C7orf78: variants seen among roughly 807,000 people sequenced by gnomAD.
C7orf78 encodes the protein chromosome 7 open reading frame 78.
chr7:12,498,493 G>A, the C7orf78 span, among the ~76,000 whole-genome samples: 1 of 151,846 alleles, frequency 6.6e-6, no homozygotes, highest in Admixed American at 6.6e-5. Flanking sequence ...AGCAATGGAA[G>A]ATGAAATCAA....
chr7:12,505,384 A>G, the C7orf78 span, among the ~76,000 whole-genome samples: 6 of 152,144 alleles, frequency 3.9e-5, no homozygotes, highest in Admixed American at 3.3e-4. Flanking sequence ...TTATAATCTA[A>G]TTAGGAGTTG....
At chr7:12,483,452 G>C in the C7orf78 span, 1 of 152,132 alleles carries the variant, frequency 6.6e-6, no homozygotes, top group African/African-American at 2.4e-5. Context: ...CAAAGACAAA[G>C]AACAGAAGTC....
the C7orf78 span, among the ~76,000 whole-genome samples, chr7:12,535,178 G>A: frequency 6.6e-6 from 1 of 152,122 alleles, no homozygotes; most frequent in Non-Finnish European, 1.5e-5. Flanking sequence ...GGAAGCATAG[G>A]TTTATTCATC....
the C7orf78 span, among the ~76,000 whole-genome samples, chr7:12,519,953 C>A: frequency 6.6e-6 from 1 of 152,132 alleles, no homozygotes; most frequent in Non-Finnish European, 1.5e-5. Flanking sequence ...TGTGTGTGAC[C>A]CAGTGCATTT....
chr7:12,521,701 C>T, the C7orf78 span, among the ~76,000 whole-genome samples: 2 of 141,268 alleles, frequency 1.4e-5, no homozygotes, highest in African/African-American at 5.2e-5. Context: ...ACCCTCCATA[C>T]TGCTATCACA....
chr7:12,497,915 G>C, the C7orf78 span, among the ~76,000 whole-genome samples: 1,761 of 148,684 alleles, frequency 0.012, 22 homozygotes, highest in Non-Finnish European at 0.019. Flanking sequence ...TCCTCAAGTG[G>C]GTCCCTGACC....
the C7orf78 span, among the ~76,000 whole-genome samples, chr7:12,519,048 C>T: frequency 3.9e-5 from 6 of 152,136 alleles, no homozygotes; most frequent in Admixed American, 3.9e-4. Flanking sequence ...TGTTTCAGCT[C>T]CCTGCTGCAG....
At chr7:12,514,005 A>T in the C7orf78 span, among the ~76,000 whole-genome samples, 1 of 152,110 alleles carries the variant, frequency 6.6e-6, no homozygotes, top group Non-Finnish European at 1.5e-5. Context: ...GTCTCAAAAG[A>T]AAAAAGAAAA....
At chr7:12,518,100 G>A in the C7orf78 span, among the ~76,000 whole-genome samples, 7 of 152,178 alleles carry the variant, frequency 4.6e-5, no homozygotes, top group Admixed American at 1.3e-4. Context: ...AATGTGTGCA[G>A]TAGTGTAGTC....
At chr7:12,502,138 A>T in the C7orf78 span, among the ~76,000 whole-genome samples, 1 of 72,170 alleles carries the variant, frequency 1.4e-5, no homozygotes, top group African/African-American at 5.0e-5. Context: ...CCTAGAAGAA[A>T]ACCTAGGCAT....
chr7:12,530,281 C>T, the C7orf78 span: 6 of 152,196 alleles, frequency 3.9e-5, no homozygotes, highest in African/African-American at 1.2e-4. Flanking sequence ...CTTCTCAGAC[C>T]TTAAAAGATA....
At chr7:12,497,233 G>A in the C7orf78 span, among the ~76,000 whole-genome samples, 5 of 152,204 alleles carry the variant, frequency 3.3e-5, no homozygotes, top group Admixed American at 6.5e-5. Context: ...CAAGATGGCC[G>A]AATAGGAACA....
At chr7:12,535,415 A>C in the C7orf78 span, among the ~76,000 whole-genome samples, 1 of 152,186 alleles carries the variant, frequency 6.6e-6, no homozygotes, top group African/African-American at 2.4e-5. Flanking sequence ...ATTCACTATC[A>C]CAAGAACAGC....
At chr7:12,513,699 T>G in the C7orf78 span, among the ~76,000 whole-genome samples, 2 of 152,176 alleles carry the variant, frequency 1.3e-5, no homozygotes, top group Non-Finnish European at 2.9e-5. Context: ...CAAGTGCTGA[T>G]AAGAAGAATG....
At chr7:12,486,220 AAT>A in the C7orf78 span, among the ~76,000 whole-genome samples, 35 of 152,062 alleles carry the variant, frequency 2.3e-4, no homozygotes, top group Non-Finnish European at 4.1e-4. Context: ...ATTAAATAGG[AAT>A]AGTTATGGTG....
the C7orf78 span, chr7:12,483,882 A>C: frequency 2.9e-5 from 1 of 34,048 alleles, no homozygotes. Flanking sequence ...CCATCTCAAA[A>C]AAAAAAAAAA....
At chr7:12,523,907 G>T in the C7orf78 span, among the ~76,000 whole-genome samples, 300 of 152,240 alleles carry the variant, frequency 2.0e-3, no homozygotes, top group African/African-American at 6.9e-3. Context: ...TAATTTAAAA[G>T]TGTGATGAAG....
chr7:12,484,566 G>A, the C7orf78 span, among the ~76,000 whole-genome samples: 1 of 152,034 alleles, frequency 6.6e-6, no homozygotes, highest in Non-Finnish European at 1.5e-5. Flanking sequence ...TTCTTATAAT[G>A]TCGCAATTTG....
chr7:12,538,612 C>T, the C7orf78 span, among the ~76,000 whole-genome samples: 1 of 152,080 alleles, frequency 6.6e-6, no homozygotes, highest in Non-Finnish European at 1.5e-5. Context: ...AGCAACTTGC[C>T]CTAAGTCCCT....
Sources: allele counts gnomAD v4.1 joint callset (sites outside exome capture counted in the v4.1 genomes callset), GRCh38; gene constraint gnomAD v4.1.1; transcripts MANE v1.5; gene names NCBI Gene and HGNC (gene_info 2026-07-23, HGNC 2026-07-21).